The following TPM1 variants were observed in gnomAD, a reference collection of about 807,000 sequenced individuals.
The protein encoded by TPM1 is tropomyosin alpha-1 chain.
TPM1 carries 24 observed loss-of-function variants against 42.9 expected under a neutral mutation model. The observed-to-expected ratio is 0.56, with a 90% CI of 0.41 to 0.79. The LOEUF (loss-of-function observed/expected upper bound fraction) is 0.79, where lower values mean the gene tolerates loss of function less well. TPM1 is among the 30% of genes least tolerant of loss of function. The pLI is 0.00. For missense variants in TPM1, 158 were observed against 351.8 expected (o/e 0.45, Z 4.41); for synonymous variants, 136 against 130.1 (o/e 1.05, Z -0.31).
At chr15:63,048,766 C>T (rs1413172021) in intron 2 of TPM1, 7 of 1,514,352 alleles carry the variant, frequency 4.6e-6, no homozygotes, top group African/African-American at 2.8e-5. Flanking sequence ...GGGGCAGCCC[C>T]GCAGGGCCCT....
intron 1 of TPM1, chr15:63,043,781 C>T: frequency 6.5e-7 from 1 of 1,549,924 alleles, no homozygotes; most frequent in Non-Finnish European, 8.7e-7. Context: ...GCTGGAGGAG[C>T]TGCACAAGGC....
intron 2 of TPM1, among the ~76,000 whole-genome samples, chr15:63,051,943 TG>T (rs1311331206): frequency 5.0e-5 from 7 of 139,844 alleles, no homozygotes; most frequent in African/African-American, 1.9e-4. Context: ...TATACTATGG[TG>T]GGGTGGGCAT....
chr15:63,061,596 T>G, intron 5 of TPM1, 117 bp from the exon 6 acceptor site: 1 of 1,016,976 alleles, frequency 9.8e-7, no homozygotes, highest in Non-Finnish European at 1.6e-6. Context: ...TTGGCTACTT[T>G]AAGGCAGCCC....
chr15:63,044,541 C>T (rs1424810518), intron 2 of TPM1: 1 of 460,020 alleles, frequency 2.2e-6, no homozygotes, highest in Non-Finnish European at 3.9e-6. Context: ...TTGCCGTTTC[C>T]AGTGGGTGGG....
chr15:63,067,984 C>T (rs1194457514), downstream of TPM1, among the ~76,000 whole-genome samples: 1 of 152,240 alleles, frequency 6.6e-6, no homozygotes, highest in Non-Finnish European at 1.5e-5. Flanking sequence ...CACTGTCCTT[C>T]CTGCTGAATT....
intron 2 of TPM1, chr15:63,048,398 C>G: frequency 7.4e-7 from 1 of 1,355,892 alleles, no homozygotes. Context: ...GTCTGCGCAG[C>G]CCTGGAGGCT....
chr15:63,053,047 T>A (rs2034187941), intron 2 of TPM1, among the ~76,000 whole-genome samples: 1 of 152,188 alleles, frequency 6.6e-6, no homozygotes, highest in African/African-American at 2.4e-5. Flanking sequence ...GGCTTTAACC[T>A]CAAAGCCCCT....
chr15:63,065,145 A>T lies in TPM1; in HGVS notation c.852-751A>T, dbSNP rs74021741. Reference sequence around the variant, plus strand: ...GTGAGCTTGGGAGTTAATGGCCCAGATTTTACTGTTAGGCAGTAAGAGTTG... The same window carrying T: ...GTGAGCTTGGGAGTTAATGGCCCAGTTTTTACTGTTAGGCAGTAAGAGTTG... On this transcript the variant is annotated intron_variant, in intron 9 of 9. Transcript: ENST00000403994. The T allele has an allele frequency of 5.8e-4, 570 of 985,508 alleles. 2 individuals carry two copies. The African/African-American group carries it at 9.2e-3, about 16-fold the overall frequency. 61.0% of individuals were successfully genotyped at this position (985,508 alleles called of 1,614,324 possible).
At chr15:63,047,073 G>A (rs149673125) in intron 2 of TPM1, 1 of 152,400 alleles carries the variant, frequency 6.6e-6, no homozygotes, top group East Asian at 1.9e-4. Context: ...CAGACACCCG[G>A]TTCCCCCATT....
intron 3 of TPM1, among the ~76,000 whole-genome samples, chr15:63,057,340 G>A (rs1329962756): frequency 6.6e-6 from 1 of 152,202 alleles, no homozygotes; most frequent in African/African-American, 2.4e-5. Flanking sequence ...TTACAAAGAA[G>A]AAGATGATCT....
At chr15:63,059,770 G>T (rs2140939986) in intron 4 of TPM1, 90 bp downstream of exon 4, 1 of 910,776 alleles carries the variant, frequency 1.1e-6, no homozygotes, top group East Asian at 2.8e-5. Context: ...TCCCGAGTGA[G>T]GCCATCTGCT....
intron 1 of TPM1, 69 bp from the exon 2 acceptor site, chr15:63,043,958 C>T (rs2031822745): frequency 6.4e-7 from 1 of 1,573,460 alleles, no homozygotes; most frequent in Non-Finnish European, 8.6e-7. Flanking sequence ...GCACCCACAC[C>T]CCTCCCCTTC....
rs559995397 is a variant in TPM1, at chr15:63,065,720, G to A, written c.852-176G>A. On this transcript the variant is annotated intron_variant, in intron 9 of 9. Transcript: ENST00000403994. ...CCCTTGCCGAAAGGCGGCCTGTGAC[G>A]GCCTCAGGTGGGAAGATGGATGTCC... is the stretch of plus-strand genomic sequence containing the variant. The A allele has an allele frequency of 9.2e-5, 85 of 919,968 alleles. No homozygotes were observed. In the African/African-American group the frequency reaches 1.4e-3, roughly 15 times the overall value. 57.0% of individuals were successfully genotyped at this position (919,968 alleles called of 1,614,324 possible).
chr15:63,060,813 C>T, intron 4 of TPM1, 56 bp from the exon 5 acceptor site: 1 of 1,599,146 alleles, frequency 6.3e-7, no homozygotes, highest in South Asian at 1.1e-5. Flanking sequence ...CCATGCCCTT[C>T]TGTTACACAA....
In TPM1 at chr15:63,061,773, G is replaced by A; in HGVS notation, c.624G>A (p.Glu208=). The change falls in exon 6 of 10, where the codon GAG becomes GAA. Residue 208 remains glutamate (E), a synonymous_variant. Transcript: ENST00000403994. ...TGACGAACAACTTGAAGTCACTGGA[G>A]GCTCAGGCTGAGAAGGTAGGCCAGG... ...KTVTNNLKSL[E]AQAEKYSQKE... The A allele has an allele frequency of 6.2e-7, 1 of 1,614,126 alleles. No homozygotes were observed. The highest frequency in any genetic ancestry group is 8.5e-7 in the Non-Finnish European group (1 of 1,180,016).
intron 5 of TPM1, 107 bp downstream of exon 5, chr15:63,061,046 C>G: frequency 6.6e-7 from 1 of 1,511,814 alleles, no homozygotes; most frequent in Admixed American, 1.8e-5. Flanking sequence ...CTCCGGGCTC[C>G]TTTTGTGCTC....
At chr15:63,050,873 T>C (rs2033716537) in intron 2 of TPM1, among the ~76,000 whole-genome samples, 1 of 152,216 alleles carries the variant, frequency 6.6e-6, no homozygotes. Context: ...AAAGGTTTAG[T>C]GACAAAACCA....
intron 3 of TPM1, among the ~76,000 whole-genome samples, chr15:63,057,569 GA>G (rs67399516): frequency 0.12 from 19,003 of 152,218 alleles, 1,456 homozygotes; most frequent in Admixed American, 0.25. Flanking sequence ...ATAGGTGGAA[GA>G]AAAAACACAA....
chr15:63,071,490 A>G, exon 9 of TPM1: 2 of 369,216 alleles, frequency 5.4e-6, no homozygotes, highest in Admixed American at 7.7e-5. Context: ...GATAGAGTCA[A>G]CAGGAAGGTT....
Sources: allele counts gnomAD v4.1 joint callset (sites outside exome capture counted in the v4.1 genomes callset), GRCh38; gene constraint gnomAD v4.1.1; transcripts MANE v1.5; gene names NCBI Gene and HGNC (gene_info 2026-07-23, HGNC 2026-07-21).